HTT: variants seen among roughly 807,000 people sequenced by gnomAD.
HTT encodes huntington disease protein.
A neutral mutation model predicts 362.3 loss-of-function variants in HTT; 104 were observed. The ratio of observed to expected loss-of-function variants is 0.29; its 90% CI spans 0.24 to 0.34. HTT has a LOEUF of 0.34. Among genes scored for constraint, HTT ranks in the 10% least tolerant of loss-of-function variants. HTT has a pLI of 1.00. For missense variants in HTT, 3,301 were observed against 3,928.6 expected (o/e 0.84, Z 4.27); for synonymous variants, 1,577 against 1,548.7 (o/e 1.02, Z -0.43).
At chr4:3,186,846 T>C in intron 38 of HTT, 127 bp downstream of exon 38, 3 of 845,614 alleles carry the variant, frequency 3.5e-6, no homozygotes, top group Non-Finnish European at 3.5e-6. Flanking sequence ...TGCTTTTTTT[T>C]TTTTTTTTTT....
intron 27 of HTT, 142 bp downstream of exon 27, chr4:3,154,561 C>G: frequency 8.5e-7 from 1 of 1,179,714 alleles, no homozygotes; most frequent in Non-Finnish European, 1.2e-6. Context: ...AGGTGCGGTT[C>G]AAGATATTAG....
intron 1 of HTT, among the ~76,000 whole-genome samples, chr4:3,077,848 A>C (rs772594313): frequency 2.6e-5 from 4 of 151,210 alleles, no homozygotes; most frequent in Non-Finnish European, 5.9e-5. Context: ...TTGAGAAAGG[A>C]GGTATTCACT....
intron 9 of HTT, among the ~76,000 whole-genome samples, chr4:3,122,199 G>C (rs1715327881): frequency 6.6e-6 from 1 of 152,212 alleles, no homozygotes; most frequent in Admixed American, 6.5e-5. Context: ...CCACCATGCA[G>C]TGCTGCCCTG....
chr4:3,236,123 C>T, intron 63 of HTT, 26 bp from the exon 64 acceptor site: 2 of 1,549,426 alleles, frequency 1.3e-6, no homozygotes, highest in Non-Finnish European at 1.8e-6. Flanking sequence ...TAGAGGTAAC[C>T]TTCGTACTGA....
intron 41 of HTT, among the ~76,000 whole-genome samples, chr4:3,200,410 C>T (rs146952638): frequency 3.3e-5 from 5 of 152,318 alleles, no homozygotes; most frequent in East Asian, 1.9e-4. Flanking sequence ...CTAAGGTTCT[C>T]GTTATGGGTG....
intron 40 of HTT, among the ~76,000 whole-genome samples, chr4:3,190,343 TA>T (rs1225264188): frequency 7.5e-6 from 1 of 132,724 alleles, no homozygotes; most frequent in South Asian, 2.4e-4. Flanking sequence ...TGCCTCTTAT[TA>T]AAAAAAAATC....
At chr4:3,174,665 G>A in intron 31 of HTT, 56 bp from the exon 32 acceptor site, 1 of 1,333,514 alleles carries the variant, frequency 7.5e-7, no homozygotes, top group East Asian at 2.3e-5. Context: ...TGAGTGCAGA[G>A]GAGATTATTT....
intron 26 of HTT, among the ~76,000 whole-genome samples, 169 bp downstream of exon 26, chr4:3,148,376 G>T (rs550840720): frequency 3.3e-5 from 5 of 152,276 alleles, no homozygotes; most frequent in African/African-American, 1.2e-4. Context: ...ATGTGGATGG[G>T]TGCAGTGGCT....
At chr4:3,205,655 T>C (rs1719821537) in intron 42 of HTT, among the ~76,000 whole-genome samples, 1 of 152,210 alleles carries the variant, frequency 6.6e-6, no homozygotes, top group South Asian at 2.1e-4. Flanking sequence ...GAAATGTTCA[T>C]TGGAAGGTTT....
In HTT at chr4:3,220,320, G is replaced by A. The variant is rs779624414; in HGVS notation, c.7369+12G>A. 2.5e-6 allele frequency: 4 copies of A among 1,609,778 alleles called. No homozygotes were observed. Among genetic ancestry groups the A allele is most frequent in the Non-Finnish European group, 3.4e-6 (4 of 1,176,286 alleles). On this transcript the variant is annotated intron_variant, in intron 53 of 66. Coordinates refer to ENST00000355072, the MANE Select transcript of HTT (RefSeq NM_001388492.1). The stretch of plus-strand genomic sequence containing the variant: ...CATCAACACACTAGGTACTCTTGGG[G>A]CCTCTCCTTCAGGTCACCATTGTCG...
intron 56 of HTT, among the ~76,000 whole-genome samples, chr4:3,224,904 C>T (rs1720838317): frequency 6.6e-6 from 1 of 152,126 alleles, no homozygotes; most frequent in Admixed American, 6.5e-5. Flanking sequence ...CAGGAGGACC[C>T]AGGAGCAATG....
At chr4:3,198,215 ATTTTTTTTT>A (rs200014691) in intron 40 of HTT, among the ~76,000 whole-genome samples, 11 of 60,382 alleles carry the variant, frequency 1.8e-4, no homozygotes, top group African/African-American at 5.3e-4. Context: ...GGATGTGTTG[ATTTTTTTTT>A]TTTTTTTTTT....
At position 3,204,145 on chromosome 4, in the gene HTT, T is replaced by C. The variant is rs1369655036; in HGVS notation, c.5715T>C (p.Tyr1905=). The C allele has an allele frequency of 1.2e-6, 2 of 1,614,208 alleles. No homozygotes were observed. The highest frequency in any genetic ancestry group is 1.7e-5 in the Admixed American group (1 of 60,022). ...GGGCTCTCATTCTCTTCTGTGATTATGTCGTAAGTTTGAAATGCCTGTAAA... is the reference window on the plus strand; with the variant it reads ...GGGCTCTCATTCTCTTCTGTGATTACGTCGTAAGTTTGAAATGCCTGTAAA... ...RRGALILFCD[Y]VCQNLHDSEH... is the part of the protein sequence containing the mutation. Residue 1905 remains tyrosine (Y), a synonymous_variant, in exon 42 of 67, where the codon TAT becomes TAC. Transcript: ENST00000355072.
chr4:3,160,794 A>T (rs895316454), intron 29 of HTT, among the ~76,000 whole-genome samples: 1 of 152,164 alleles, frequency 6.6e-6, no homozygotes, highest in Non-Finnish European at 1.5e-5. Context: ...TGGGGTTGAC[A>T]GTCATATTCT....
rs1223248853 is a variant in HTT, at chr4:3,236,264, G to A, written c.8891+10G>A. On this transcript the variant is annotated intron_variant, in intron 64 of 66. Transcript: ENST00000355072. ...CTGTTCTTTTTGATAGGTAAGAAGC[G>A]AAGCCCCATCCCTCAGCCGTTAGCT... The A allele has an allele frequency of 1.5e-5, 23 of 1,571,948 alleles. No homozygotes were observed. Among genetic ancestry groups the A allele is most frequent in the Middle Eastern group, 3.3e-4 (2 of 6,002 alleles).
rs1370285900 is a variant in HTT, at chr4:3,131,278, C to A, written c.1987-8C>A. ...TGAGACAAACAAGTGTCATTGTCTC[C>A]TTTCTAGCCTTGCCGCATCAAAGGT... On this transcript the variant is annotated splice_region_variant and splice_polypyrimidine_tract_variant and intron_variant, in intron 14 of 66. Coordinates refer to ENST00000355072, the MANE Select transcript of HTT (RefSeq NM_001388492.1). 6.3e-7 allele frequency: 1 copy of A among 1,599,588 alleles called. No individual in the cohort carries two copies. The highest frequency in any genetic ancestry group is 1.7e-5 in the Admixed American group (1 of 60,006).
At chr4:3,213,733 C>T (rs1720268100) in intron 49 of HTT, among the ~76,000 whole-genome samples, 1 of 152,162 alleles carries the variant, frequency 6.6e-6, no homozygotes. Flanking sequence ...AGAGAGGCAG[C>T]AGAGTAAGGG....
At chr4:3,088,559 G>A (rs1194067845) in intron 2 of HTT, among the ~76,000 whole-genome samples, 2 of 152,040 alleles carry the variant, frequency 1.3e-5, no homozygotes, top group African/African-American at 2.4e-5. Context: ...ATATATATTC[G>A]TAATGTTGTA....
At chr4:3,134,638 A>C (rs530198319) in intron 19 of HTT, 98 bp downstream of exon 19, 8 of 1,120,062 alleles carry the variant, frequency 7.1e-6, no homozygotes, top group Non-Finnish European at 1.0e-5. Flanking sequence ...TACCCTGTCC[A>C]TCAGAAATCC....
Sources: gnomAD v4.1 joint callset for allele counts (sites outside exome capture counted in the v4.1 genomes callset) on GRCh38, gnomAD v4.1.1 for gene constraint, MANE v1.5 for transcripts, NCBI Gene and HGNC (gene_info 2026-07-23, HGNC 2026-07-21) for gene names.